WWOX: variants seen among roughly 807,000 people sequenced by gnomAD.
The protein encoded by WWOX is WW domain-containing oxidoreductase.
In WWOX, 69 loss-of-function variants were observed where a neutral mutation model predicts 46.2. The observed-to-expected ratio is 1.49, with a 90% CI of 1.23 to 1.82. WWOX has a LOEUF of 1.82. WWOX is among the 40% of genes most tolerant of loss of function. The pLI, the probability that WWOX is intolerant of heterozygous loss-of-function variation, is 0.00. For missense variants in WWOX, 919 were observed against 542.6 expected, an observed-to-expected ratio of 1.69 and a Z score of -6.89; for synonymous variants, 359 against 202.6, an observed-to-expected ratio of 1.77 and a Z score of -6.56.
chr16:78,109,751 T>C (rs756973651), intron 2 of WWOX, 27 bp from the exon 3 acceptor site: 2 of 1,613,806 alleles, frequency 1.2e-6, no homozygotes, highest in Non-Finnish European at 1.7e-6. Flanking sequence ...CCCTGGCACC[T>C]GTAGACCTGT....
intron 8 of WWOX, chr16:78,994,516 C>T (rs544175431): frequency 3.3e-5 from 5 of 152,134 alleles, no homozygotes; most frequent in Admixed American, 6.5e-5. Flanking sequence ...AAATGCAATG[C>T]GAATGGTCTT....
intron 8 of WWOX, among the ~76,000 whole-genome samples, chr16:78,467,864 C>G (rs902200396): frequency 6.6e-6 from 1 of 152,186 alleles, no homozygotes; most frequent in Non-Finnish European, 1.5e-5. Context: ...GGTGCCCTGT[C>G]TTCCTGGATA....
At chr16:78,692,474 T>G (rs1006302484) in intron 8 of WWOX, among the ~76,000 whole-genome samples, 1 of 152,178 alleles carries the variant, frequency 6.6e-6, no homozygotes, top group Non-Finnish European at 1.5e-5. Context: ...TCAAAGTGGC[T>G]CACACCTGGC....
chr16:78,199,762 C>G (rs1222299156), intron 5 of WWOX, among the ~76,000 whole-genome samples: 2 of 150,458 alleles, frequency 1.3e-5, no homozygotes, highest in Non-Finnish European at 3.0e-5. Flanking sequence ...GTGAATGTCT[C>G]TCTTAGGCTG....
At chr16:78,380,438 G>GGGGCAA (rs1367926617) in intron 5 of WWOX, among the ~76,000 whole-genome samples, 1 of 152,104 alleles carries the variant, frequency 6.6e-6, no homozygotes, top group Admixed American at 6.5e-5. Flanking sequence ...TAACTGCTGT[G>GGGGCAA]GGGCAAGGAC....
chr16:78,676,012 G>T (rs554857530), intron 8 of WWOX, among the ~76,000 whole-genome samples: 1 of 151,998 alleles, frequency 6.6e-6, no homozygotes, highest in Non-Finnish European at 1.5e-5. Flanking sequence ...ATATGATCTA[G>T]TACAAAGAAT....
At chr16:79,139,354 C>T (rs2050043959) in intron 8 of WWOX, among the ~76,000 whole-genome samples, 1 of 152,168 alleles carries the variant, frequency 6.6e-6, no homozygotes, top group Non-Finnish European at 1.5e-5. Flanking sequence ...TGGGGATCCA[C>T]TTTAATGTTG....
chr16:78,224,702 C>G (rs1333980500), intron 5 of WWOX, among the ~76,000 whole-genome samples: 1 of 152,170 alleles, frequency 6.6e-6, no homozygotes, highest in Non-Finnish European at 1.5e-5. Flanking sequence ...TAAGATAAGG[C>G]TTTGAGATTA....
chr16:78,274,105 C>T (rs981539653), intron 5 of WWOX, among the ~76,000 whole-genome samples: 6 of 152,174 alleles, frequency 3.9e-5, no homozygotes, highest in African/African-American at 1.4e-4. Flanking sequence ...CCAGTATACC[C>T]TATATTTTGG....
chr16:78,777,525 C>T (rs1194527123), intron 8 of WWOX, among the ~76,000 whole-genome samples: 2 of 151,964 alleles, frequency 1.3e-5, no homozygotes, highest in Non-Finnish European at 1.5e-5. Flanking sequence ...CTAAGAGGCC[C>T]CTGGTCCTAC....
chr16:78,595,164 C>T (rs1393721376), intron 8 of WWOX, among the ~76,000 whole-genome samples: 6 of 152,238 alleles, frequency 3.9e-5, no homozygotes, highest in Admixed American at 1.3e-4. Flanking sequence ...GATGGGTAGA[C>T]ATATACTTCA....
chr16:78,159,762 G>A (rs1180719547), intron 4 of WWOX, among the ~76,000 whole-genome samples: 1 of 136,498 alleles, frequency 7.3e-6, no homozygotes, highest in Non-Finnish European at 1.5e-5. Flanking sequence ...AGGTTTGCAA[G>A]TATTTTTTAC....
At chr16:79,099,949 G>A (rs1186456787) in intron 8 of WWOX, among the ~76,000 whole-genome samples, 1 of 152,204 alleles carries the variant, frequency 6.6e-6, no homozygotes, top group Non-Finnish European at 1.5e-5. Context: ...GAGAGAGGCA[G>A]ACAGGAACTC....
In WWOX at chr16:78,321,350, GTATATATGCGTA is replaced by G. The variant is rs200734237; in HGVS notation, c.517-65502_517-65491del. On this transcript the variant is annotated intron_variant, in intron 5 of 8. Coordinates refer to ENST00000566780, the MANE Select transcript of WWOX (RefSeq NM_016373.4). ...TACGTATATATGCGTATATATATACGTATATATGCGTATATATATACGTATATATGCGTATAT... is the reference window on the plus strand; with the variant it reads ...TACGTATATATGCGTATATATATACGTATATATACGTATATATGCGTATAT... Among the ~76,000 whole-genome samples, 25 of 34,670 alleles carry G rather than the reference GTATATATGCGTA, an allele frequency of 7.2e-4. 1 individual carries two copies. Among genetic ancestry groups the G allele is most frequent in the African/African-American group, 4.6e-3 (18 of 3,906 alleles). The allele number at this position is 34,670 out of a possible 152,430, so 22.7% of individuals were successfully genotyped here.
chr16:78,403,402 C>G (rs1027558838), intron 6 of WWOX, among the ~76,000 whole-genome samples: 1 of 152,180 alleles, frequency 6.6e-6, no homozygotes, highest in African/African-American at 2.4e-5. Flanking sequence ...GATTTTTCTG[C>G]AGAATTTATG....
intron 8 of WWOX, among the ~76,000 whole-genome samples, chr16:78,450,898 T>C (rs1055539370): frequency 6.6e-6 from 1 of 152,224 alleles, no homozygotes; most frequent in Non-Finnish European, 1.5e-5. Context: ...TACCCAATAA[T>C]GAAAACAATA....
chr16:78,786,363 G>A (rs1364989866), intron 8 of WWOX, among the ~76,000 whole-genome samples: 1 of 152,202 alleles, frequency 6.6e-6, no homozygotes, highest in Non-Finnish European at 1.5e-5. Flanking sequence ...TGAAAGTGGA[G>A]TTGGGGAACA....
At chr16:78,524,408 G>A (rs8061798) in intron 8 of WWOX, among the ~76,000 whole-genome samples, 11,483 of 121,808 alleles carry the variant, frequency 0.094, 477 homozygotes, top group Middle Eastern at 0.13. Flanking sequence ...TTATTTATTT[G>A]TTTATTTATT....
chr16:78,239,071 C>T (rs993000602), intron 5 of WWOX, among the ~76,000 whole-genome samples: 2 of 152,162 alleles, frequency 1.3e-5, no homozygotes, highest in Admixed American at 1.3e-4. Context: ...CCACGCATCC[C>T]CCGTGGATTC....
Sources: allele counts gnomAD v4.1 joint callset (sites outside exome capture counted in the v4.1 genomes callset), GRCh38; gene constraint gnomAD v4.1.1; transcripts MANE v1.5; gene names NCBI Gene and HGNC (gene_info 2026-07-23, HGNC 2026-07-21).